The following EXT1 variants were observed in gnomAD, a reference collection of about 807,000 sequenced individuals.
The protein encoded by EXT1 is exostosin glycosyltransferase 1.
A neutral mutation model predicts 82.5 loss-of-function variants in EXT1; 20 were observed. That is an observed-to-expected ratio of 0.24 (90% CI 0.17 to 0.35). EXT1 has a LOEUF of 0.35. EXT1 is among the 10% of genes least tolerant of loss of function. The pLI is 1.00. For missense variants in EXT1, 757 were observed against 936.5 expected, an observed-to-expected ratio of 0.81 and a Z score of 2.50; for synonymous variants, 348 against 350.8, an observed-to-expected ratio of 0.99 and a Z score of 0.09.
rs570210319 is a variant in EXT1, at chr8:117,888,382, G to A, written c.963-51181C>T. On this transcript the variant is annotated intron_variant, in intron 1 of 10. Transcript: ENST00000378204. ...TGGTCCTTGTGGATGGAGACAGCAT[G>A]AGTTTCAGATCTTCAAAATTGGTTG... Among the ~76,000 whole-genome samples the A allele has an allele frequency of 3.3e-5, 5 of 152,266 alleles. No individual in the cohort carries two copies. The South Asian group carries it at 1.0e-3, about 32-fold the overall frequency.
At chr8:117,897,129 CA>C (rs1337664579) in intron 1 of EXT1, among the ~76,000 whole-genome samples, 1 of 152,208 alleles carries the variant, frequency 6.6e-6, no homozygotes, top group Non-Finnish European at 1.5e-5. Context: ...AAGCTGCAGC[CA>C]GTTAAGAACT....
At chr8:117,864,844 T>G (rs4262351) in intron 1 of EXT1, among the ~76,000 whole-genome samples, 150,335 of 152,120 alleles carry the variant, frequency 0.99, 74,358 homozygotes, top group African/African-American at 1. Context: ...GTTGTTCTGG[T>G]CTGCATGTGG....
intron 6 of EXT1, 75 bp from the exon 7 acceptor site, chr8:117,818,605 C>T (rs1811867941): frequency 1.7e-6 from 2 of 1,163,626 alleles, no homozygotes; most frequent in Non-Finnish European, 2.6e-6. Context: ...AGCCTCTTCT[C>T]AGAGACAGAA....
intron 1 of EXT1, among the ~76,000 whole-genome samples, chr8:118,026,245 G>A (rs777572753): frequency 1.3e-5 from 2 of 152,128 alleles, no homozygotes; most frequent in Non-Finnish European, 2.9e-5. Context: ...CACAATGTAA[G>A]GGCTGGCTAA....
chr8:117,855,691 C>T (rs1241396580), intron 1 of EXT1, among the ~76,000 whole-genome samples: 2 of 152,138 alleles, frequency 1.3e-5, no homozygotes, highest in African/African-American at 4.8e-5. Flanking sequence ...TATTTAGAGA[C>T]GGAGTCTCAC....
chr8:118,027,274 G>A (rs1816219018), intron 1 of EXT1, among the ~76,000 whole-genome samples: 1 of 151,444 alleles, frequency 6.6e-6, no homozygotes, highest in Non-Finnish European at 1.5e-5. Context: ...CCAGGTTCCT[G>A]TTTATAGAGG....
intron 1 of EXT1, among the ~76,000 whole-genome samples, chr8:117,843,301 G>A (rs1050135598): frequency 7.9e-5 from 12 of 152,282 alleles, no homozygotes; most frequent in African/African-American, 2.9e-4. Context: ...AACAACATGT[G>A]TTATCAAATG....
At chr8:117,864,454 T>TA (rs1031465900) in intron 1 of EXT1, among the ~76,000 whole-genome samples, 31 of 151,812 alleles carry the variant, frequency 2.0e-4, no homozygotes, top group African/African-American at 1.9e-4. Context: ...TGATGAGCTT[T>TA]AAAAAAAAAT....
intron 1 of EXT1, among the ~76,000 whole-genome samples, chr8:118,073,734 A>AG (rs1817151488): frequency 6.6e-6 from 1 of 151,132 alleles, no homozygotes; most frequent in South Asian, 2.1e-4. Flanking sequence ...CAGCACAAAT[A>AG]ATTCCTTATG....
chr8:118,081,797 G>A (rs1425056838), intron 1 of EXT1, among the ~76,000 whole-genome samples: 1 of 152,118 alleles, frequency 6.6e-6, no homozygotes, highest in African/African-American at 2.4e-5. Context: ...TACCACTAAT[G>A]TATTAACAGT....
At chr8:117,927,381 C>T (rs1295748505) in intron 1 of EXT1, among the ~76,000 whole-genome samples, 1 of 5,022 alleles carries the variant, frequency 2.0e-4, no homozygotes, top group East Asian at 9.6e-4. Flanking sequence ...TTATTAAGTA[C>T]TATTTTGGCT....
chr8:118,024,333 T>C (rs1344050756), intron 1 of EXT1, among the ~76,000 whole-genome samples: 1 of 152,172 alleles, frequency 6.6e-6, no homozygotes, highest in Non-Finnish European at 1.5e-5. Context: ...AGAGAAAACA[T>C]GTGTTTGGAT....
Position 117,809,218 on chromosome 8 carries a change from A to AATATATATATATATATAT in EXT1, c.1723-1859_1723-1842dup, listed in dbSNP as rs71307404. On this transcript the variant is annotated intron_variant, in intron 8 of 10. Transcript: ENST00000378204. The stretch of plus-strand genomic sequence containing the variant: ...GTATATATATGTGTGTGTGTGTATA[A>AATATATATATATATATAT]ATATATATATATATATATATATATA... 4.6e-3 allele frequency among the ~76,000 whole-genome samples: 495 copies of AATATATATATATATATAT among 107,810 alleles called. 2 individuals are homozygous for AATATATATATATATATAT. The highest frequency in any genetic ancestry group is 0.016 in the Middle Eastern group (3 of 188). 70.7% of individuals were successfully genotyped at this position (107,810 alleles called of 152,430 possible). A position where few individuals can be genotyped will look rare whatever the true frequency, so the allele number is the denominator to read the frequency against.
chr8:117,851,902 G>A (rs1445414881), intron 1 of EXT1, among the ~76,000 whole-genome samples: 1 of 152,126 alleles, frequency 6.6e-6, no homozygotes, highest in African/African-American at 2.4e-5. Context: ...GAAAAGGGTT[G>A]GAATGGAAGG....
intron 1 of EXT1, among the ~76,000 whole-genome samples, chr8:117,991,415 G>C (rs1815430621): frequency 6.6e-6 from 1 of 152,124 alleles, no homozygotes; most frequent in Non-Finnish European, 1.5e-5. Context: ...TACATAAGGT[G>C]GTTCTCGTGT....
intron 1 of EXT1, among the ~76,000 whole-genome samples, chr8:118,064,186 C>CT (rs1231156016): frequency 1.3e-5 from 2 of 151,802 alleles, no homozygotes; most frequent in Admixed American, 6.6e-5. Context: ...TTTTCTTTTT[C>CT]TTTTTTTTAA....
intron 1 of EXT1, among the ~76,000 whole-genome samples, chr8:117,937,385 C>A (rs146152190): frequency 4.6e-5 from 7 of 152,288 alleles, no homozygotes; most frequent in Non-Finnish European, 8.8e-5. Flanking sequence ...CTAATCAAAT[C>A]ATTAAAATGT....
intron 1 of EXT1, among the ~76,000 whole-genome samples, chr8:117,883,473 T>C (rs17450772): frequency 0.15 from 22,600 of 152,230 alleles, 1,790 homozygotes; most frequent in African/African-American, 0.2. Flanking sequence ...GGAAAAGCAA[T>C]GATAAAAGCT....
intron 1 of EXT1, among the ~76,000 whole-genome samples, chr8:117,844,870 C>T (rs754457567): frequency 6.6e-6 from 1 of 151,020 alleles, no homozygotes; most frequent in Non-Finnish European, 1.5e-5. Flanking sequence ...GGTACAATTC[C>T]TTACTCAAGA....
Sources: allele counts gnomAD v4.1 joint callset (sites outside exome capture counted in the v4.1 genomes callset), GRCh38; gene constraint gnomAD v4.1.1; transcripts MANE v1.5; gene names NCBI Gene and HGNC (gene_info 2026-07-23, HGNC 2026-07-21).